MAPK9: variants seen among roughly 807,000 people sequenced by gnomAD.
MAPK9 encodes Jun kinase.
A neutral mutation model predicts 57.1 loss-of-function variants in MAPK9; 30 were observed. That is an observed-to-expected ratio of 0.53 (90% CI 0.39 to 0.71). The LOEUF (loss-of-function observed/expected upper bound fraction) is 0.71. Ranked by LOEUF, MAPK9 falls within the 30% of genes least tolerant of loss-of-function variation. The pLI is 0.00. For missense variants in MAPK9, 362 were observed against 521.0 expected (o/e 0.69, Z 2.97); for synonymous variants, 155 against 177.0 (o/e 0.88, Z 0.99).
chr5:180,250,508 G>A (rs924117073), intron 5 of MAPK9, among the ~76,000 whole-genome samples: 12 of 152,152 alleles, frequency 7.9e-5, no homozygotes, highest in Non-Finnish European at 1.5e-5. Context: ...GGAAGTTGCA[G>A]GTTCAGTAGC....
At position 180,285,669 on chromosome 5, in the gene MAPK9, T is replaced by C. The variant is rs576100679; in HGVS notation, c.-47-5061A>G. 1.2e-4 allele frequency among the ~76,000 whole-genome samples: 19 copies of C among 152,262 alleles called. No homozygotes were observed. The South Asian group carries it at 3.9e-3, about 32-fold the overall frequency. ...TGGGCAAGATGGCTCACACTTGTAA[T>C]CCCAGCACTGTGGGAGGCCGAAGGT... On this transcript the variant is annotated intron_variant, in intron 1 of 11. Transcript: ENST00000452135.
chr5:180,281,988 C>G (rs1365284986), intron 1 of MAPK9, among the ~76,000 whole-genome samples: 3 of 152,196 alleles, frequency 2.0e-5, no homozygotes, highest in Admixed American at 6.5e-5. Context: ...GCTGAGTGAG[C>G]TGGAACACCT....
intron 9 of MAPK9, 129 bp downstream of exon 9, chr5:180,240,902 T>C (rs1479869989): frequency 2.5e-6 from 3 of 1,198,346 alleles, no homozygotes; most frequent in Non-Finnish European, 3.3e-6. Flanking sequence ...ACACTTGGCC[T>C]TTCTGTAACT....
At chr5:180,265,579 A>G (rs1760449788) in intron 3 of MAPK9, among the ~76,000 whole-genome samples, 1 of 152,170 alleles carries the variant, frequency 6.6e-6, no homozygotes, top group Admixed American at 6.5e-5. Flanking sequence ...CATGATTGCA[A>G]GTTTCCTGAG....
chr5:180,237,912 GTGGATCA>G (rs1258779722), intron 11 of MAPK9: 3 of 154,728 alleles, frequency 1.9e-5, no homozygotes, highest in African/African-American at 2.4e-5. Context: ...GCTGAGGCGG[GTGGATCA>G]CGAGGTCAGG....
intron 3 of MAPK9, among the ~76,000 whole-genome samples, chr5:180,267,055 A>ACCAACATTGCACGAGGTCC (rs1431729467): frequency 2.6e-5 from 4 of 152,190 alleles, no homozygotes; most frequent in Admixed American, 2.6e-4. Flanking sequence ...TATGAGGTCT[A>ACCAACATTGCACGAGGTCC]CCAACATTGC....
intron 11 of MAPK9, chr5:180,236,779 T>A: frequency 3.0e-6 from 1 of 331,392 alleles, no homozygotes; most frequent in Non-Finnish European, 5.5e-6. Context: ...AACATATATG[T>A]GGCCATGTAT....
At chr5:180,239,728 G>GA (rs1300248408) in intron 10 of MAPK9, among the ~76,000 whole-genome samples, 196 bp downstream of exon 10, 1 of 152,102 alleles carries the variant, frequency 6.6e-6, no homozygotes, top group African/African-American at 2.4e-5. Context: ...CAAATGATAA[G>GA]AAATTCATAA....
intron 1 of MAPK9, 120 bp from the exon 2 acceptor site, chr5:180,280,728 C>A: frequency 2.7e-6 from 2 of 727,374 alleles, no homozygotes; most frequent in Non-Finnish European, 4.1e-6. Flanking sequence ...TAAAGTCAAT[C>A]TGACCAAGTT....
At chr5:180,268,602 C>CGTGT (rs1561827259) in intron 3 of MAPK9, among the ~76,000 whole-genome samples, 1 of 149,588 alleles carries the variant, frequency 6.7e-6, no homozygotes, top group Non-Finnish European at 1.5e-5. Flanking sequence ...CTGAGGCTGG[C>CGTGT]GGACCATGAG....
In MAPK9 at chr5:180,240,589, C is replaced by T. The variant is rs35756592; in HGVS notation, c.996+442G>A. ...TCACACCAGTGCTGACACAGAAACA[C>T]GCACGTGAGCACCAAACTCAGAGTG... On this transcript the variant is annotated intron_variant, in intron 9 of 11. Coordinates refer to ENST00000452135, the MANE Select transcript of MAPK9 (RefSeq NM_002752.5). Among the ~76,000 whole-genome samples, 641 of 152,350 alleles carry T rather than the reference C, an allele frequency of 4.2e-3. 2 individuals carry two copies. Among genetic ancestry groups the T allele is most frequent in the Middle Eastern group, 0.024 (7 of 294 alleles).
intron 11 of MAPK9, chr5:180,238,047 A>G (rs62404860): frequency 0.49 from 97,468 of 200,654 alleles, 23,938 homozygotes; most frequent in African/African-American, 0.51. Context: ...TGAGGCGGGC[A>G]GATCACAAGG....
chr5:180,289,360 A>G (rs189786369), intron 1 of MAPK9, among the ~76,000 whole-genome samples: 2 of 152,350 alleles, frequency 1.3e-5, no homozygotes, highest in Admixed American at 1.3e-4. Flanking sequence ...AGCTGTCAAA[A>G]GAGAAGTCTA....
intron 3 of MAPK9, among the ~76,000 whole-genome samples, chr5:180,266,139 C>T (rs1359182811): frequency 6.8e-6 from 1 of 147,500 alleles, no homozygotes; most frequent in Non-Finnish European, 1.5e-5. Flanking sequence ...ACCAGCAGTC[C>T]AAAAGAAAAA....
intron 10 of MAPK9, among the ~76,000 whole-genome samples, chr5:180,239,364 C>T (rs989331431): frequency 1.3e-5 from 2 of 152,184 alleles, no homozygotes; most frequent in African/African-American, 2.4e-5. Flanking sequence ...CACAGGTAAC[C>T]GGCACTCCCA....
intron 10 of MAPK9, 135 bp from the exon 11 acceptor site, chr5:180,238,538 C>T (rs1757370763): frequency 3.3e-6 from 2 of 607,406 alleles, no homozygotes; most frequent in Non-Finnish European, 5.8e-6. Flanking sequence ...AGAGTCAATT[C>T]AGTAATATAG....
At chr5:180,284,604 T>TAAA (rs1762583898) in intron 1 of MAPK9, among the ~76,000 whole-genome samples, 1 of 152,246 alleles carries the variant, frequency 6.6e-6, no homozygotes, top group Non-Finnish European at 1.5e-5. Flanking sequence ...AATAAAAATG[T>TAAA]TAACTGCATA....
At chr5:180,289,453 T>C (rs183504874) in intron 1 of MAPK9, among the ~76,000 whole-genome samples, 4 of 152,144 alleles carry the variant, frequency 2.6e-5, no homozygotes, top group Admixed American at 2.6e-4. Context: ...TTAAATAGAT[T>C]GGTGGTCATT....
intron 5 of MAPK9, among the ~76,000 whole-genome samples, chr5:180,252,629 T>C (rs546982870): frequency 6.6e-6 from 1 of 152,288 alleles, no homozygotes; most frequent in Admixed American, 6.5e-5. Context: ...GGAACTCGTG[T>C]GGGCGTTACT....
Sources: gnomAD v4.1 joint callset for allele counts (sites outside exome capture counted in the v4.1 genomes callset) on GRCh38, gnomAD v4.1.1 for gene constraint, MANE v1.5 for transcripts, NCBI Gene and HGNC (gene_info 2026-07-23, HGNC 2026-07-21) for gene names.